Variants in JAZF1 observed in about 807,000 individuals in gnomAD.
JAZF1 encodes juxtaposed with another zinc finger protein 1.
JAZF1 carries 8 observed loss-of-function variants against 26.4 expected under a neutral mutation model. That is an observed-to-expected ratio of 0.30 (90% confidence interval 0.18 to 0.55). The LOEUF (loss-of-function observed/expected upper bound fraction) is 0.55. JAZF1 is among the 20% of genes least tolerant of loss of function. The probability of loss-of-function intolerance (pLI) is 0.94; values close to 1 mark genes in which losing one functional copy is unlikely to be tolerated. For missense variants in JAZF1, 199 were observed against 322.0 expected (o/e 0.62, Z 2.92); for synonymous variants, 126 against 122.3 (o/e 1.03, Z -0.20).
chr7:27,966,818 TA>T (rs570535630), intron 2 of JAZF1, among the ~76,000 whole-genome samples: 98 of 152,340 alleles, frequency 6.4e-4, no homozygotes, highest in Middle Eastern at 3.4e-3. Flanking sequence ...TTAATTCCTT[TA>T]AAGGTGTGAG....
chr7:28,152,193 T>C (rs1783121303), intron 1 of JAZF1, among the ~76,000 whole-genome samples: 1 of 152,226 alleles, frequency 6.6e-6, no homozygotes, highest in Admixed American at 6.5e-5. Context: ...GCTAATGATA[T>C]AGATGGTTTT....
intron 1 of JAZF1, among the ~76,000 whole-genome samples, chr7:28,070,946 G>GTCT (rs1783965896): frequency 1.3e-5 from 2 of 152,214 alleles, no homozygotes; most frequent in African/African-American, 4.8e-5. Flanking sequence ...ACACAGAGCA[G>GTCT]ACATTCAATA....
intron 1 of JAZF1, among the ~76,000 whole-genome samples, chr7:28,082,616 G>A (rs1784154500): frequency 6.6e-6 from 1 of 152,064 alleles, no homozygotes; most frequent in Non-Finnish European, 1.5e-5. Flanking sequence ...AAGCTCCCTT[G>A]CCCTGGTCTC....
chr7:27,961,125 C>G (rs1785179176), intron 2 of JAZF1, among the ~76,000 whole-genome samples: 1 of 152,216 alleles, frequency 6.6e-6, no homozygotes, highest in Non-Finnish European at 1.5e-5. Flanking sequence ...ACTGTTCTAA[C>G]TGTTTTACAA....
intron 2 of JAZF1, among the ~76,000 whole-genome samples, chr7:27,968,359 T>C (rs1350823625): frequency 6.6e-6 from 1 of 152,122 alleles, no homozygotes; most frequent in Non-Finnish European, 1.5e-5. Flanking sequence ...GTCTTGAAGA[T>C]GGAAAAAAAA....
rs189328559 is a variant in JAZF1, at chr7:28,007,494, G to A, written c.116-15513C>T. ...TGAGGCAGGAGAATCACTGGAACCC[G>A]GGAGGCGGAGGTTGCAGTGAGCCGA... On this transcript the variant is annotated intron_variant, in intron 1 of 4. Transcript: ENST00000283928. Among the ~76,000 whole-genome samples the A allele has an allele frequency of 6.6e-3, 1,005 of 152,212 alleles. 11 individuals are homozygous for A. The highest frequency in any genetic ancestry group is 0.022 in the African/African-American group (934 of 41,532).
rs1782725574 is a variant in JAZF1 at position 27,832,531 on chromosome 7, G to A, written c.*269C>T. On this transcript the variant is annotated 3_prime_UTR_variant, in exon 5 of 5. Coordinates refer to ENST00000283928, the MANE Select transcript of JAZF1 (RefSeq NM_175061.4). ...CATGCCCTCAATTTTATTTTGTTTT[G>A]GGGGAAATGTGCTGAAGAACCTAGA... 3.6e-6 allele frequency: 1 copy of A among 276,874 alleles called. No individual in the cohort carries two copies. The highest frequency in any genetic ancestry group is 6.8e-6 in the Non-Finnish European group (1 of 146,834). 17.2% of individuals were successfully genotyped at this position (276,874 alleles called of 1,614,324 possible).
chr7:28,005,595 C>A (rs1295874517), intron 1 of JAZF1, among the ~76,000 whole-genome samples: 1 of 152,162 alleles, frequency 6.6e-6, no homozygotes, highest in Non-Finnish European at 1.5e-5. Context: ...ACTCCACACC[C>A]AGGTGGCAGC....
At chr7:27,976,245 C>A (rs572519394) in intron 2 of JAZF1, among the ~76,000 whole-genome samples, 1 of 147,786 alleles carries the variant, frequency 6.8e-6, no homozygotes, top group East Asian at 2.0e-4. Flanking sequence ...ACTCGGGAGG[C>A]TGAGGCAGGA....
intron 1 of JAZF1, among the ~76,000 whole-genome samples, chr7:28,026,337 T>C (rs944513873): frequency 2.6e-5 from 4 of 152,192 alleles, no homozygotes; most frequent in Non-Finnish European, 5.9e-5. Flanking sequence ...GAAGTCTGTT[T>C]TTCTTACTAC....
intron 3 of JAZF1, among the ~76,000 whole-genome samples, chr7:27,844,992 C>A (rs1252501679): frequency 6.6e-6 from 1 of 152,158 alleles, no homozygotes; most frequent in Non-Finnish European, 1.5e-5. Flanking sequence ...GGAGAGGTGC[C>A]GGGTGCCCCG....
chr7:28,180,642 G>T lies in JAZF1; in HGVS notation c.-65C>A. ...GCGCCGGGCGGGCGAGGGAGGGAGG[G>T]AGGCCGGGTGGGGTGAGGAGAGGAG... On this transcript the variant is annotated 5_prime_UTR_variant, in exon 1 of 5. Coordinates refer to ENST00000283928, the MANE Select transcript of JAZF1 (RefSeq NM_175061.4). 9.5e-7 allele frequency: 1 copy of T among 1,055,674 alleles called. No homozygotes were observed. 65.4% of individuals were successfully genotyped at this position (1,055,674 alleles called of 1,614,324 possible). A position where few individuals can be genotyped will look rare whatever the true frequency, so the allele number is the denominator to read the frequency against.
intron 3 of JAZF1, among the ~76,000 whole-genome samples, chr7:27,866,984 C>T (rs969930169): frequency 2.6e-5 from 4 of 152,274 alleles, no homozygotes; most frequent in South Asian, 2.1e-4. Context: ...TCACTCTTAA[C>T]GACATGACTT....
At chr7:28,005,204 C>T (rs920104489) in intron 1 of JAZF1, among the ~76,000 whole-genome samples, 4 of 152,128 alleles carry the variant, frequency 2.6e-5, no homozygotes, top group Non-Finnish European at 4.4e-5. Flanking sequence ...GACCACATCA[C>T]TTTAGTTGTT....
chr7:27,881,193 TG>T (rs1783764649), intron 3 of JAZF1, among the ~76,000 whole-genome samples: 1 of 152,186 alleles, frequency 6.6e-6, no homozygotes. Flanking sequence ...GGAGGGGGCA[TG>T]GGGAACCCTT....
intron 1 of JAZF1, among the ~76,000 whole-genome samples, chr7:28,168,382 A>T (rs1301242863): frequency 4.9e-3 from 117 of 24,094 alleles, no homozygotes; most frequent in Middle Eastern, 0.017. Flanking sequence ...CTCCGTCTCA[A>T]AAAAAAAAAA....
At chr7:27,986,873 TCTCCAGC>T (rs1289210376) in intron 2 of JAZF1, among the ~76,000 whole-genome samples, 3 of 152,166 alleles carry the variant, frequency 2.0e-5, no homozygotes, top group Non-Finnish European at 4.4e-5. Context: ...GCCGGGCTGG[TCTCCAGC>T]TCCTGACTGT....
chr7:27,936,618 A>T (rs935852942), intron 2 of JAZF1, among the ~76,000 whole-genome samples: 7 of 152,238 alleles, frequency 4.6e-5, no homozygotes, highest in African/African-American at 1.7e-4. Context: ...CTCAGGGACA[A>T]AGTATTCCTG....
At chr7:27,997,009 A>G (rs1375157215) in intron 1 of JAZF1, among the ~76,000 whole-genome samples, 1 of 152,206 alleles carries the variant, frequency 6.6e-6, no homozygotes, top group African/African-American at 2.4e-5. Flanking sequence ...AAACTAACCA[A>G]GGATAGAAGA....
Sources: allele counts gnomAD v4.1 joint callset (sites outside exome capture counted in the v4.1 genomes callset), GRCh38; gene constraint gnomAD v4.1.1; transcripts MANE v1.5; gene names NCBI Gene and HGNC (gene_info 2026-07-23, HGNC 2026-07-21).